CADM2: variants seen among roughly 807,000 people sequenced by gnomAD.
CADM2 encodes the protein cell adhesion molecule 2, also known as immunoglobulin superfamily member 4D.
CADM2 carries 12 observed loss-of-function variants against 49.8 expected under a neutral mutation model. The ratio of observed to expected loss-of-function variants is 0.24; its 90% CI spans 0.15 to 0.39. The LOEUF (loss-of-function observed/expected upper bound fraction) is 0.39. Ranked by LOEUF, CADM2 falls within the 10% of genes least tolerant of loss-of-function variation. CADM2 has a pLI of 1.00. For synonymous variants in CADM2, 214 were observed against 175.4 expected (o/e 1.22, Z -1.74); for missense variants, 378 against 492.3 (o/e 0.77, Z 2.20).
At chr3:85,679,842 A>G (rs1413458883) in intron 1 of CADM2, among the ~76,000 whole-genome samples, 1 of 152,160 alleles carries the variant, frequency 6.6e-6, no homozygotes, top group African/African-American at 2.4e-5. Flanking sequence ...TTCCTGAAGA[A>G]TTCTTTCTAA....
chr3:85,077,940 T>A (rs1202705002), intron 1 of CADM2, among the ~76,000 whole-genome samples: 2 of 152,074 alleles, frequency 1.3e-5, no homozygotes, highest in African/African-American at 2.4e-5. Context: ...TGGCATCATG[T>A]TTGGTTGGTG....
chr3:85,416,228 A>C (rs999967273), intron 1 of CADM2, among the ~76,000 whole-genome samples: 1 of 152,074 alleles, frequency 6.6e-6, no homozygotes, highest in Non-Finnish European at 1.5e-5. Flanking sequence ...TATTAGAGGG[A>C]GGTAGTCTAT....
intron 1 of CADM2, among the ~76,000 whole-genome samples, chr3:85,534,669 C>T (rs2061388279): frequency 6.6e-6 from 1 of 152,148 alleles, no homozygotes; most frequent in Admixed American, 6.6e-5. Flanking sequence ...ATCTGCTGGC[C>T]CCATATCTAG....
At chr3:85,776,431 A>C (rs960680126) in intron 2 of CADM2, among the ~76,000 whole-genome samples, 2 of 151,958 alleles carry the variant, frequency 1.3e-5, no homozygotes, top group South Asian at 2.1e-4. Context: ...ACTGAAGTCA[A>C]ATCACCATTT....
intron 1 of CADM2, among the ~76,000 whole-genome samples, chr3:85,598,379 G>T (rs997872737): frequency 6.6e-6 from 1 of 151,894 alleles, no homozygotes; most frequent in African/African-American, 2.4e-5. Flanking sequence ...CTCCAGGATA[G>T]TAAAATCTCT....
chr3:85,591,849 A>G (rs150107771), intron 1 of CADM2, among the ~76,000 whole-genome samples: 3 of 152,130 alleles, frequency 2.0e-5, no homozygotes, highest in African/African-American at 2.4e-5. Flanking sequence ...TAATCTCTGT[A>G]TTTGATGGAA....
Position 85,559,655 on chromosome 3 carries a change from AACAC to A in CADM2, c.62-166837_62-166834del, listed in dbSNP as rs144677158. ...ATTGCTTAAGCCATGATTTAAAAGA[AACAC>A]ACACACACACACACACACACACACA... On this transcript the variant is annotated intron_variant, in intron 1 of 9. Coordinates refer to ENST00000383699, the MANE Select transcript of CADM2 (RefSeq NM_001167675.2). Among the ~76,000 whole-genome samples the A allele has an allele frequency of 6.0e-3, 672 of 111,076 alleles. 3 individuals are homozygous for A. The highest frequency in any genetic ancestry group is 0.012 in the African/African-American group (421 of 34,410). The allele number at this position is 111,076 out of a possible 152,430, so 72.9% of individuals were successfully genotyped here. A position where few individuals can be genotyped will look rare whatever the true frequency, so the allele number is the denominator to read the frequency against.
chr3:85,924,394 A>G (rs937852623), intron 6 of CADM2, among the ~76,000 whole-genome samples: 1 of 151,998 alleles, frequency 6.6e-6, no homozygotes, highest in African/African-American at 2.4e-5. Flanking sequence ...GTTTGAAACC[A>G]GCCTGGCCAA....
chr3:85,097,246 G>A (rs373126400), intron 1 of CADM2, among the ~76,000 whole-genome samples: 10 of 151,972 alleles, frequency 6.6e-5, no homozygotes, highest in African/African-American at 2.2e-4. Context: ...GAGAACATGC[G>A]GTGTTTGGTT....
chr3:85,652,120 T>G (rs926073880), intron 1 of CADM2, among the ~76,000 whole-genome samples: 1 of 151,810 alleles, frequency 6.6e-6, no homozygotes, highest in Non-Finnish European at 1.5e-5. Context: ...CCTGGCCAAC[T>G]AAACTTATTT....
intron 8 of CADM2, among the ~76,000 whole-genome samples, chr3:85,984,133 C>A (rs925776096): frequency 2.0e-5 from 3 of 148,486 alleles, no homozygotes; most frequent in Non-Finnish European, 4.5e-5. Context: ...ACAATTATTC[C>A]GATTATATAT....
At chr3:85,306,963 C>G (rs2044227218) in intron 1 of CADM2, among the ~76,000 whole-genome samples, 2 of 151,524 alleles carry the variant, frequency 1.3e-5, no homozygotes, top group Non-Finnish European at 3.0e-5. Context: ...TATTTCTTCT[C>G]CCAGATTTAA....
chr3:85,613,538 G>A (rs530880758), intron 1 of CADM2, among the ~76,000 whole-genome samples: 103 of 151,636 alleles, frequency 6.8e-4, no homozygotes, highest in Non-Finnish European at 1.1e-3. Flanking sequence ...TTGAGTGATG[G>A]GCAAACTTCT....
intron 1 of CADM2, among the ~76,000 whole-genome samples, chr3:85,211,629 T>C (rs1559722934): frequency 6.6e-6 from 1 of 152,174 alleles, no homozygotes; most frequent in African/African-American, 2.4e-5. Flanking sequence ...TTTAATTTCA[T>C]TGTGGTTAGA....
intron 1 of CADM2, among the ~76,000 whole-genome samples, chr3:85,408,028 AAAG>A (rs1327115412): frequency 2.7e-5 from 4 of 150,478 alleles, no homozygotes; most frequent in African/African-American, 7.3e-5. Context: ...AAAAAAAAAA[AAAG>A]AAGAAGAAGA....
At chr3:85,908,462 A>G (rs530118679) in intron 5 of CADM2, among the ~76,000 whole-genome samples, 141 of 151,860 alleles carry the variant, frequency 9.3e-4, no homozygotes, top group African/African-American at 3.2e-3. Flanking sequence ...AACTAATAGA[A>G]AGTCCTTTAT....
chr3:85,565,882 C>T (rs1056363946), intron 1 of CADM2, among the ~76,000 whole-genome samples: 1 of 105,140 alleles, frequency 9.5e-6, no homozygotes, highest in East Asian at 6.9e-4. Context: ...TTTTAACTTA[C>T]ACTTTTTTTT....
chr3:85,759,235 T>C (rs1205768179), intron 2 of CADM2, among the ~76,000 whole-genome samples: 1 of 152,118 alleles, frequency 6.6e-6, no homozygotes, highest in Non-Finnish European at 1.5e-5. Flanking sequence ...TGGTTCTTTA[T>C]TCCTGCCTAG....
chr3:85,513,340 C>A (rs895713863), intron 1 of CADM2, among the ~76,000 whole-genome samples: 1 of 151,710 alleles, frequency 6.6e-6, no homozygotes, highest in African/African-American at 2.4e-5. Context: ...CTCATTTTGC[C>A]TTCTCAGAAA....
Sources: gnomAD v4.1 joint callset for allele counts (sites outside exome capture counted in the v4.1 genomes callset) on GRCh38, gnomAD v4.1.1 for gene constraint, MANE v1.5 for transcripts, NCBI Gene and HGNC (gene_info 2026-07-23, HGNC 2026-07-21) for gene names.